The following FAT3 variants were observed in gnomAD, a reference collection of about 807,000 sequenced individuals.
The protein encoded by FAT3 is protocadherin Fat 3.
FAT3 carries 95 observed loss-of-function variants against 310.2 expected under a neutral mutation model. The ratio of observed to expected loss-of-function variants is 0.31; its 90% CI spans 0.26 to 0.36. FAT3 has a LOEUF of 0.36. Ranked by LOEUF, FAT3 falls within the 10% of genes least tolerant of loss-of-function variation. The pLI is 1.00. For missense variants in FAT3, 5,408 were observed against 5,715.6 expected, an observed-to-expected ratio of 0.95 and a Z score of 1.74; for synonymous variants, 2,314 against 2,192.9, an observed-to-expected ratio of 1.06 and a Z score of -1.54.
At chr11:92,611,733 A>G (rs549009547) in intron 3 of FAT3, among the ~76,000 whole-genome samples, 11 of 152,290 alleles carry the variant, frequency 7.2e-5, no homozygotes, top group South Asian at 2.1e-4. Context: ...TGGTATAGGA[A>G]TTATAGGGGG....
intron 1 of FAT3, among the ~76,000 whole-genome samples, chr11:92,283,467 A>G (rs148640380): frequency 0.01 from 1,569 of 152,226 alleles, 16 homozygotes; most frequent in African/African-American, 0.035. Flanking sequence ...CACCTCCTAG[A>G]TTCTCTGCTC....
At chr11:92,669,862 G>A (rs549548457) in intron 3 of FAT3, among the ~76,000 whole-genome samples, 76 of 152,306 alleles carry the variant, frequency 5.0e-4, no homozygotes, top group African/African-American at 1.7e-3. Flanking sequence ...TTATATGAGA[G>A]CATGGAAATT....
At chr11:92,802,016 T>C in intron 10 of FAT3, 107 bp downstream of exon 10, 1 of 1,085,554 alleles carries the variant, frequency 9.2e-7, no homozygotes, top group Non-Finnish European at 1.3e-6. Flanking sequence ...AGGAGTCCAG[T>C]GTAATGAAGC....
At chr11:92,290,067 C>A (rs1469753204) in intron 1 of FAT3, among the ~76,000 whole-genome samples, 1 of 152,028 alleles carries the variant, frequency 6.6e-6, no homozygotes, top group African/African-American at 2.4e-5. Context: ...TTGCTTTGGC[C>A]GTATCTTCAG....
intron 2 of FAT3, among the ~76,000 whole-genome samples, chr11:92,360,867 C>T (rs1050565831): frequency 6.6e-6 from 1 of 152,190 alleles, no homozygotes; most frequent in African/African-American, 2.4e-5. Flanking sequence ...CAGGGTCACA[C>T]ATCTGGTAGC....
At chr11:92,780,473 A>G (rs952673565) in intron 7 of FAT3, among the ~76,000 whole-genome samples, 2 of 152,112 alleles carry the variant, frequency 1.3e-5, no homozygotes, top group African/African-American at 4.8e-5. Context: ...AGCCTATAGT[A>G]ACTTTTTATG....
intron 1 of FAT3, among the ~76,000 whole-genome samples, chr11:92,236,365 T>C (rs932778463): frequency 3.9e-5 from 6 of 152,168 alleles, no homozygotes; most frequent in Non-Finnish European, 8.8e-5. Context: ...ATGCAAGTCT[T>C]GTAAAATTTA....
At chr11:92,365,976 A>G (rs1949010205) in intron 2 of FAT3, among the ~76,000 whole-genome samples, 1 of 152,220 alleles carries the variant, frequency 6.6e-6, no homozygotes, top group Admixed American at 6.5e-5. Flanking sequence ...GTCAGGATTG[A>G]TCTCAACCTG....
At chr11:92,484,374 CTATAT>C (rs1164613424) in intron 2 of FAT3, among the ~76,000 whole-genome samples, 1 of 151,886 alleles carries the variant, frequency 6.6e-6, no homozygotes, top group Non-Finnish European at 1.5e-5. Context: ...TAGTGTTTGA[CTATAT>C]TATAAGTAAA....
intron 1 of FAT3, among the ~76,000 whole-genome samples, chr11:92,299,833 G>A (rs1488060715): frequency 2.0e-5 from 3 of 152,076 alleles, no homozygotes; most frequent in African/African-American, 7.2e-5. Context: ...TTCACTAGTA[G>A]GTTAAGTTCA....
intron 6 of FAT3, among the ~76,000 whole-genome samples, chr11:92,767,832 G>A (rs554140454): frequency 6.6e-6 from 1 of 152,244 alleles, no homozygotes; most frequent in African/African-American, 2.4e-5. Flanking sequence ...CCCAGGATGA[G>A]TGGAATAAAC....
chr11:92,564,398 T>C (rs2135480491), intron 3 of FAT3, among the ~76,000 whole-genome samples: 1 of 149,648 alleles, frequency 6.7e-6, no homozygotes, highest in African/African-American at 2.5e-5. Flanking sequence ...AAGTCCTGAG[T>C]GACCTACAAA....
chr11:92,360,434 G>C (rs1948849895), intron 2 of FAT3, among the ~76,000 whole-genome samples: 1 of 152,284 alleles, frequency 6.6e-6, no homozygotes, highest in South Asian at 2.1e-4. Flanking sequence ...TCACTAGTCT[G>C]GAAGATGCAA....
intron 7 of FAT3, among the ~76,000 whole-genome samples, chr11:92,784,293 A>C (rs1444080075): frequency 6.6e-6 from 1 of 152,264 alleles, no homozygotes; most frequent in Non-Finnish European, 1.5e-5. Flanking sequence ...AAGAAAACTT[A>C]CAAGCTTGAG....
At chr11:92,386,375 A>T (rs755071889) in intron 2 of FAT3, among the ~76,000 whole-genome samples, 15 of 152,194 alleles carry the variant, frequency 9.9e-5, no homozygotes, top group Admixed American at 5.2e-4. Context: ...CATATACAAG[A>T]CTTCAAACAT....
chr11:92,272,514 A>T (rs753051782), intron 1 of FAT3, among the ~76,000 whole-genome samples: 2 of 152,084 alleles, frequency 1.3e-5, no homozygotes, highest in Non-Finnish European at 2.9e-5. Flanking sequence ...TGAATAATAT[A>T]ATATAACCCA....
intron 1 of FAT3, among the ~76,000 whole-genome samples, chr11:92,229,464 TC>T (rs200580462): frequency 0.03 from 4,516 of 150,350 alleles, 121 homozygotes; most frequent in Middle Eastern, 0.051. Context: ...TTTATTCCTT[TC>T]CTTGTTTTCT....
chr11:92,509,966 A>G (rs1953238902), intron 2 of FAT3, among the ~76,000 whole-genome samples: 1 of 152,118 alleles, frequency 6.6e-6, no homozygotes, highest in Non-Finnish European at 1.5e-5. Flanking sequence ...GAATGCTCCA[A>G]AAGTTTCTGC....
chr11:92,598,234 T>A (rs867913437), intron 3 of FAT3, among the ~76,000 whole-genome samples: 1,133 of 111,200 alleles, frequency 0.01, 16 homozygotes, highest in African/African-American at 0.034. Flanking sequence ...ATATATATTT[T>A]TTTTTTTTTT....
Sources: gnomAD v4.1 joint callset for allele counts (sites outside exome capture counted in the v4.1 genomes callset) on GRCh38, gnomAD v4.1.1 for gene constraint, MANE v1.5 for transcripts, NCBI Gene and HGNC (gene_info 2026-07-23, HGNC 2026-07-21) for gene names.